Variants in RP1 observed in about 807,000 individuals in gnomAD.
The protein encoded by RP1 is oxygen-regulated protein 1.
RP1 carries 16 observed loss-of-function variants against 14.8 expected under a neutral mutation model. That is an observed-to-expected ratio of 1.08 (90% CI 0.73 to 1.65). The LOEUF is 1.65. Among genes scored for constraint, RP1 ranks in the 40% most tolerant of loss-of-function variants. The probability of loss-of-function intolerance (pLI) is 0.00; values close to 1 mark genes in which losing one functional copy is unlikely to be tolerated. For missense variants in RP1, 2,631 were observed against 2,535.0 expected, an observed-to-expected ratio of 1.04 and a Z score of -0.81; for synonymous variants, 876 against 883.6, an observed-to-expected ratio of 0.99 and a Z score of 0.15.
At chr8:54,766,903 T>G (rs1445630319) in intron 22 of RP1, among the ~76,000 whole-genome samples, 1 of 152,198 alleles carries the variant, frequency 6.6e-6, no homozygotes, top group East Asian at 1.9e-4. Context: ...TCGTGCTTGC[T>G]TTTTATTCCA....
chr8:54,677,753 GA>G (rs1807325816), intron 8 of RP1, among the ~76,000 whole-genome samples: 2 of 151,634 alleles, frequency 1.3e-5, no homozygotes, highest in African/African-American at 4.8e-5. Context: ...AAAAATAAAA[GA>G]AAAAAATAAA....
intron 15 of RP1, chr8:54,706,761 G>A: frequency 9.1e-7 from 1 of 1,097,780 alleles, no homozygotes; most frequent in Non-Finnish European, 1.3e-6. Flanking sequence ...AATGTTACAT[G>A]TGGTGGTCTC....
chr8:54,768,714 T>A (rs1362270315), intron 22 of RP1, among the ~76,000 whole-genome samples: 2 of 152,120 alleles, frequency 1.3e-5, no homozygotes, highest in Non-Finnish European at 2.9e-5. Context: ...GAGGGTAAGA[T>A]CACAAAGCCA....
In RP1 at chr8:54,627,460, A is replaced by T. The variant is rs1339567710; in HGVS notation, c.3578A>T (p.His1193Leu). Reference sequence around the variant, plus strand: ...AATTTAGTGGAGTCAACTACAAGCCACTTTGGACTCAGTGAGAAAGAACAA... The same window carrying T: ...AATTTAGTGGAGTCAACTACAAGCCTCTTTGGACTCAGTGAGAAAGAACAA... ...VANLVESTTS[H>L]FGLSEKEQDM... The change falls in exon 4 of 4, where the codon CAC becomes CTC. Residue 1193 changes from histidine (H) to leucine (L), a missense_variant. Physicochemically the swap from His to Leu is moderately conservative, Grantham distance 99 (BLOSUM62 -3). Transcript: ENST00000220676. 1 of 1,614,164 alleles carries T rather than the reference A, an allele frequency of 6.2e-7. No individual in the cohort carries two copies. The highest frequency in any genetic ancestry group is 1.7e-5 in the Admixed American group (1 of 60,024).
intron 15 of RP1, among the ~76,000 whole-genome samples, chr8:54,709,319 G>A (rs1458254112): frequency 2.0e-5 from 3 of 152,162 alleles, no homozygotes; most frequent in Admixed American, 6.5e-5. Context: ...GCCAGCCTAC[G>A]TTGTGCTGCT....
chr8:54,728,511 G>C (rs1426354582), intron 17 of RP1, among the ~76,000 whole-genome samples: 1 of 152,172 alleles, frequency 6.6e-6, no homozygotes, highest in African/African-American at 2.4e-5. Flanking sequence ...GATAGGGCAA[G>C]ATGTATAGTT....
At chr8:54,762,860 C>G (rs1809674481) in intron 22 of RP1, among the ~76,000 whole-genome samples, 1 of 152,198 alleles carries the variant, frequency 6.6e-6, no homozygotes, top group African/African-American at 2.4e-5. Flanking sequence ...CTTGCAGCTG[C>G]ATCACTCCAG....
At chr8:54,656,267 G>A (rs1461696724) in intron 6 of RP1, 8 of 1,509,410 alleles carry the variant, frequency 5.3e-6, no homozygotes, top group East Asian at 2.5e-5. Flanking sequence ...TTGCCTAAAT[G>A]CTGAAGGACA....
chr8:54,790,920 G>C (rs541680497), intron 24 of RP1, among the ~76,000 whole-genome samples: 2 of 151,642 alleles, frequency 1.3e-5, no homozygotes, highest in Admixed American at 6.6e-5. Flanking sequence ...GGAAAGATAG[G>C]GACAAAAAGC....
rs181411203 is a variant in RP1, at chr8:54,859,117, G to A, written c.4069+2011G>A. Among the ~76,000 whole-genome samples, 62 of 152,188 alleles carry A rather than the reference G, an allele frequency of 4.1e-4. 1 individual carries two copies. The highest frequency in any genetic ancestry group is 2.9e-5 in the Non-Finnish European group (2 of 67,990). The stretch of plus-strand genomic sequence containing the variant: ...CACTGCAGAGTGGTGTCACTGTAGG[G>A]TAGTGTCACTGCAGAGCAGTGTCAC... On this transcript the variant is annotated intron_variant, in intron 27 of 28. Transcript: ENST00000637698.
At chr8:54,760,226 AATTC>A (rs1418505485) in intron 22 of RP1, among the ~76,000 whole-genome samples, 16 of 152,020 alleles carry the variant, frequency 1.1e-4, no homozygotes, top group African/African-American at 3.6e-4. Flanking sequence ...GTGTCTGCTT[AATTC>A]ATCCTTTCTT....
At chr8:54,790,205 C>T (rs1048285647) in intron 24 of RP1, among the ~76,000 whole-genome samples, 4 of 152,166 alleles carry the variant, frequency 2.6e-5, no homozygotes, top group African/African-American at 9.7e-5. Context: ...GCAGAGACCA[C>T]CTTGCAGCTC....
chr8:54,692,545 A>G (rs1215748091), intron 12 of RP1, among the ~76,000 whole-genome samples: 1 of 55,776 alleles, frequency 1.8e-5, no homozygotes. Flanking sequence ...TGTGCTTTTG[A>G]TTTGCATTTC....
intron 24 of RP1, among the ~76,000 whole-genome samples, chr8:54,795,151 C>T (rs1044413340): frequency 2.6e-5 from 4 of 151,790 alleles, no homozygotes; most frequent in African/African-American, 9.7e-5. Context: ...GGGAATGTAT[C>T]GGTACAGACA....
chr8:54,614,691 A>G (rs1423934090), upstream of RP1, among the ~76,000 whole-genome samples: 1 of 152,180 alleles, frequency 6.6e-6, no homozygotes, highest in East Asian at 1.9e-4. Flanking sequence ...TGGAGAGCCC[A>G]TTTTGTGCTG....
intron 24 of RP1, among the ~76,000 whole-genome samples, chr8:54,810,366 A>T (rs1810961436): frequency 6.6e-6 from 1 of 152,126 alleles, no homozygotes. Flanking sequence ...TTCCTTACAC[A>T]TGGCAGGTGA....
Position 54,865,917 on chromosome 8 carries a change from G to T in RP1, c.4151+1G>T. The T allele has an allele frequency of 1.6e-6, 2 of 1,213,108 alleles. No individual in the cohort carries two copies. The highest frequency in any genetic ancestry group is 2.1e-6 in the Non-Finnish European group (2 of 970,708). 75.1% of individuals were successfully genotyped at this position (1,213,108 alleles called of 1,614,324 possible). A position where few individuals can be genotyped will look rare whatever the true frequency, so the allele number is the denominator to read the frequency against. On this transcript the variant is annotated splice_donor_variant, in intron 28 of 28. Transcript: ENST00000637698. LOFTEE classifies it high-confidence loss of function. ...AAGAGGTGCTGTTTCTATGCAACAG[G>T]TATGCTCTTAATGCATTATTATGCA...
chr8:54,670,650 T>G (rs1355690321), intron 7 of RP1, among the ~76,000 whole-genome samples: 5 of 109,940 alleles, frequency 4.5e-5, no homozygotes, highest in Admixed American at 1.2e-4. Flanking sequence ...GCACATATAT[T>G]TATGAATAAT....
At chr8:54,686,195 G>A (rs395862) in intron 12 of RP1, among the ~76,000 whole-genome samples, 33,487 of 152,038 alleles carry the variant, frequency 0.22, 4,268 homozygotes, top group East Asian at 0.42. Context: ...GGTCTTTTAT[G>A]TGTGATAATT....
Sources: allele counts gnomAD v4.1 joint callset (sites outside exome capture counted in the v4.1 genomes callset), GRCh38; gene constraint gnomAD v4.1.1; transcripts MANE v1.5; gene names NCBI Gene and HGNC (gene_info 2026-07-23, HGNC 2026-07-21).